RIPK4: variants seen among roughly 807,000 people sequenced by gnomAD.
RIPK4 encodes receptor-interacting serine/threonine-protein kinase 4.
RIPK4 carries 17 observed loss-of-function variants against 42.9 expected under a neutral mutation model. The observed-to-expected ratio is 0.40, with a 90% CI of 0.27 to 0.59. The LOEUF (loss-of-function observed/expected upper bound fraction) is 0.59, where lower values mean the gene tolerates loss of function less well. Among genes scored for constraint, RIPK4 ranks in the 20% least tolerant of loss-of-function variants. RIPK4 has a pLI of 0.47. For missense variants in RIPK4, 897 were observed against 1,104.4 expected (o/e 0.81, Z 2.66); for synonymous variants, 498 against 499.1 (o/e 1.00, Z 0.03).
At chr21:41,750,973 TG>T in intron 3 of RIPK4, 123 bp downstream of exon 3, 1 of 1,279,164 alleles carries the variant, frequency 7.8e-7, no homozygotes, top group Non-Finnish European at 1.1e-6. Context: ...TCACCGCGCC[TG>T]GCCCGAGCCC....
rs1375895394 is a variant in RIPK4 at position 41,751,654 on chromosome 21, G to C, written c.475-409C>G. Among the ~76,000 whole-genome samples, 1 of 152,230 alleles carries C rather than the reference G, an allele frequency of 6.6e-6. No individual in the cohort carries two copies. Among genetic ancestry groups the C allele is most frequent in the Non-Finnish European group, 1.5e-5 (1 of 68,022 alleles). On this transcript the variant is annotated intron_variant, in intron 2 of 7. Coordinates refer to ENST00000332512, the MANE Select transcript of RIPK4 (RefSeq NM_020639.3). The surrounding 1 kb of genome is among the most constrained non-coding windows in gnomAD (Gnocchi z 4.5). ...AAAGAGAGACACATGTGAAGACCAG[G>C]TCTGCTCCTAGAGAAGTCGGGGAGC...
In RIPK4 at chr21:41,742,256, C is replaced by T. The variant is rs976020217; in HGVS notation, c.1196-259G>A. Among the ~76,000 whole-genome samples, 2 of 152,214 alleles carry T rather than the reference C, an allele frequency of 1.3e-5. No individual in the cohort carries two copies. The highest frequency in any genetic ancestry group is 2.9e-5 in the Non-Finnish European group (2 of 68,036). On this transcript the variant is annotated intron_variant, in intron 7 of 7. Coordinates refer to ENST00000332512, the MANE Select transcript of RIPK4 (RefSeq NM_020639.3). This position sits in a 1 kb window ranked among gnomAD's most constrained non-coding sequence, Gnocchi z 5.1. The stretch of plus-strand genomic sequence containing the variant: ...AATAAAACCCGCTCTCCCTGTCCTG[C>T]GGGGTGGTGAGCCCCCTTGGTGCTT...
chr21:41,752,876 G>C (rs973317658), intron 2 of RIPK4, among the ~76,000 whole-genome samples: 2 of 152,114 alleles, frequency 1.3e-5, no homozygotes, highest in East Asian at 1.9e-4. Context: ...TAATGCATGC[G>C]GGTCTTAAAA....
chr21:41,763,643 C>G (rs138141768), intron 1 of RIPK4, among the ~76,000 whole-genome samples: 4 of 152,214 alleles, frequency 2.6e-5, no homozygotes, highest in African/African-American at 9.7e-5. Flanking sequence ...TGCCTCTCAG[C>G]GAGGCCTTCT....
chr21:41,746,278 C>T (rs1047519621), intron 5 of RIPK4: 25 of 579,934 alleles, frequency 4.3e-5, no homozygotes, highest in Non-Finnish European at 6.2e-5. Context: ...AGGGCGACGC[C>T]GCCGGCCACC....
chr21:41,762,510 C>T (rs2061223759), intron 1 of RIPK4, among the ~76,000 whole-genome samples: 1 of 152,230 alleles, frequency 6.6e-6, no homozygotes, highest in African/African-American at 2.4e-5. Flanking sequence ...TAGGAAGCTC[C>T]AGCCCTTCTG....
rs185775805 is a variant in RIPK4, at chr21:41,757,248, C to T, written c.183-432G>A. Among the ~76,000 whole-genome samples the T allele has an allele frequency of 1.1e-3, 162 of 152,208 alleles. 1 individual carries two copies. Among genetic ancestry groups the T allele is most frequent in the African/African-American group, 3.4e-3 (142 of 41,516 alleles). Reference sequence around the variant, plus strand: ...TGTAACTAGGCAACTAGGCCGGGCACGGTGGCTCATGCCTGTAATCCCAGC... The same window carrying T: ...TGTAACTAGGCAACTAGGCCGGGCATGGTGGCTCATGCCTGTAATCCCAGC... On this transcript the variant is annotated intron_variant, in intron 1 of 7. Transcript: ENST00000332512.
rs1267824270 is a variant in RIPK4 at position 41,740,614 on chromosome 21, T to C, written c.*224A>G. 3.6e-6 allele frequency: 2 copies of C among 558,216 alleles called. No homozygotes were observed. The highest frequency in any genetic ancestry group is 3.8e-5 in the African/African-American group (2 of 52,524). 34.6% of individuals were successfully genotyped at this position (558,216 alleles called of 1,614,324 possible). A position where few individuals can be genotyped will look rare whatever the true frequency, so the allele number is the denominator to read the frequency against. On this transcript the variant is annotated 3_prime_UTR_variant, in exon 8 of 8. Transcript: ENST00000332512. ...ACCCACGGTCCCTTCAGACAGCAGG[T>C]GCCTAGATCGATGATGGAGCGGGCA...
At chr21:41,749,757 G>GA (rs2061182782) in intron 3 of RIPK4, among the ~76,000 whole-genome samples, 1 of 152,074 alleles carries the variant, frequency 6.6e-6, no homozygotes, top group South Asian at 2.1e-4. Context: ...AAAGTGCGCA[G>GA]AAAACGTAGG....
intron 6 of RIPK4, among the ~76,000 whole-genome samples, chr21:41,745,452 C>A (rs1435033949): frequency 2.0e-5 from 3 of 152,224 alleles, no homozygotes; most frequent in African/African-American, 7.2e-5. Flanking sequence ...CCAGCTCTCC[C>A]TCCCCGGCCG....
rs1429374455 is a variant in RIPK4 at position 41,740,612 on chromosome 21, G to A, written c.*226C>T. On this transcript the variant is annotated 3_prime_UTR_variant, in exon 8 of 8. Transcript: ENST00000332512. ...TGACCCACGGTCCCTTCAGACAGCA[G>A]GTGCCTAGATCGATGATGGAGCGGG... 3 of 555,828 alleles carry A rather than the reference G, an allele frequency of 5.4e-6. No homozygotes were observed. Among genetic ancestry groups the A allele is most frequent in the Non-Finnish European group, 9.5e-6 (3 of 315,688 alleles). The allele number at this position is 555,828 out of a possible 1,614,324, so 34.4% of individuals were successfully genotyped here.
At position 41,740,794 on chromosome 21, in the gene RIPK4, G is replaced by C. The variant is rs2061150126; in HGVS notation, c.*44C>G. On this transcript the variant is annotated 3_prime_UTR_variant, in exon 8 of 8. Coordinates refer to ENST00000332512, the MANE Select transcript of RIPK4 (RefSeq NM_020639.3). ...CCATCCCCACGAGGAACACAGGACA[G>C]GACAAGAGCCCCACGTGGACCCCCG... 6.5e-7 allele frequency: 1 copy of C among 1,543,658 alleles called. No homozygotes were observed.
intron 2 of RIPK4, among the ~76,000 whole-genome samples, chr21:41,753,110 G>A (rs771820055): frequency 2.6e-5 from 4 of 152,152 alleles, no homozygotes; most frequent in Non-Finnish European, 5.9e-5. Context: ...GTTAGTTAAG[G>A]ATCAGACTCA....
At chr21:41,749,677 T>G (rs1216381264) in intron 3 of RIPK4, among the ~76,000 whole-genome samples, 4 of 152,096 alleles carry the variant, frequency 2.6e-5, no homozygotes, top group African/African-American at 9.7e-5. Context: ...GTTCCTAACG[T>G]AGGCTTGCTG....
chr21:41,741,825 C>T lies in RIPK4; in HGVS notation c.1368G>A (p.Trp456Ter). 1 of 1,612,038 alleles carries T rather than the reference C, an allele frequency of 6.2e-7. No homozygotes were observed. Among genetic ancestry groups the T allele is most frequent in the Non-Finnish European group, 8.5e-7 (1 of 1,180,012 alleles). ...VEAGQEECAKWLLLNNANPNL... is the reference protein window; with the variant it reads ...VEAGQEECAK ...TGGGGTTGGCATTGTTGAGCAGCAG[C>T]CACTTGGCGCACTCCTCTTGCCCGG... is the stretch of plus-strand genomic sequence containing the variant. Residue 456 changes from tryptophan (W) to a stop codon, truncating the protein, a stop_gained, in exon 8 of 8, where the codon TGG becomes TGA. Transcript: ENST00000332512. LOFTEE classifies it low-confidence loss of function (END_TRUNC).
At chr21:41,752,849 G>A (rs1601680412) in intron 2 of RIPK4, among the ~76,000 whole-genome samples, 2 of 152,238 alleles carry the variant, frequency 1.3e-5, no homozygotes, top group Middle Eastern at 6.8e-3. Context: ...GGAAGGGAGA[G>A]CATTAGGACA....
In RIPK4 at chr21:41,742,715, G is replaced by A. The variant is rs375116291; in HGVS notation, c.1196-718C>T. Among the ~76,000 whole-genome samples, 3 of 152,140 alleles carry A rather than the reference G, an allele frequency of 2.0e-5. No homozygotes were observed. The highest frequency in any genetic ancestry group is 4.4e-5 in the Non-Finnish European group (3 of 68,024). On this transcript the variant is annotated intron_variant, in intron 7 of 7. Transcript: ENST00000332512. This position sits in a 1 kb window ranked among gnomAD's most constrained non-coding sequence, Gnocchi z 5.1. ...GGCGGTGGGAAGGTGTTAAGAAAAC[G>A]GAACCCTCCCAGTCAGGCTTGGTGT...
Position 41,741,224 on chromosome 21 carries a change from G to A in RIPK4, c.1969C>T (p.Leu657=), listed in dbSNP as rs1357369198. The change falls in exon 8 of 8, where the codon CTG becomes TTG. Residue 657 remains leucine, a synonymous_variant. Coordinates refer to ENST00000332512, the MANE Select transcript of RIPK4 (RefSeq NM_020639.3). Reference sequence around the variant, plus strand: ...GCCTCCTTGCCAGCGCCCCGATGCAGGAGCAGCCTGGCAGTGCTCGTGTGC... The same window carrying A: ...GCCTCCTTGCCAGCGCCCCGATGCAAGAGCAGCCTGGCAGTGCTCGTGTGC... ...TGHTSTARLL[L]HRGAGKEAMT... 2 of 1,609,068 alleles carry A rather than the reference G, an allele frequency of 1.2e-6. No homozygotes were observed. The highest frequency in any genetic ancestry group is 2.2e-5 in the East Asian group (1 of 44,818).
At chr21:41,760,899 G>A (rs574237119) in intron 1 of RIPK4, among the ~76,000 whole-genome samples, 3 of 152,230 alleles carry the variant, frequency 2.0e-5, no homozygotes, top group Admixed American at 6.5e-5. Flanking sequence ...AGCACGGCCT[G>A]CTTTCCTAGC....
Sources: gnomAD v4.1 joint callset for allele counts (sites outside exome capture counted in the v4.1 genomes callset) on GRCh38, gnomAD v4.1.1 for gene constraint, Gnocchi (gnomAD v3.1) non-coding constraint, MANE v1.5 for transcripts, NCBI Gene and HGNC (gene_info 2026-07-23, HGNC 2026-07-21) for gene names.